The following PRKD3 variants were observed in gnomAD, a reference collection of about 807,000 sequenced individuals.
PRKD3 encodes serine/threonine-protein kinase D3.
In PRKD3, 47 loss-of-function variants were observed where a neutral mutation model predicts 99.2. That is an observed-to-expected ratio of 0.47 (90% CI 0.38 to 0.60). The LOEUF (loss-of-function observed/expected upper bound fraction) is 0.60. Ranked by LOEUF, PRKD3 falls within the 20% of genes least tolerant of loss-of-function variation. The pLI is 0.00. For synonymous variants in PRKD3, 392 were observed against 355.4 expected (o/e 1.10, Z -1.16); for missense variants, 1,019 against 1,088.4 (o/e 0.94, Z 0.90).
chr2:37,267,659 TTCTC>T, intron 13 of PRKD3, 123 bp from the exon 14 acceptor site: 1 of 727,492 alleles, frequency 1.4e-6, no homozygotes, highest in Non-Finnish European at 2.3e-6. Context: ...TTTTTGTTCT[TTCTC>T]CACACTCCTT....
At chr2:37,279,059 A>G (rs1383272096) in intron 8 of PRKD3, 2 of 152,216 alleles carry the variant, frequency 1.3e-5, no homozygotes, top group Non-Finnish European at 2.9e-5. Context: ...ATGATAAGCC[A>G]AACTGAATAA....
Position 37,252,247 on chromosome 2 carries a change from C to T in PRKD3, c.*930G>A, listed in dbSNP as rs1572588795. On this transcript the variant is annotated 3_prime_UTR_variant, in exon 19 of 19. Transcript: ENST00000234179. Reference sequence around the variant, plus strand: ...AGCATTAACTGACCCTGCACTGGCCCTGCTAAAAAGCAGAAATTACTGACT... The same window carrying T: ...AGCATTAACTGACCCTGCACTGGCCTTGCTAAAAAGCAGAAATTACTGACT... 1 of 152,140 alleles carries T rather than the reference C, an allele frequency of 6.6e-6. No individual in the cohort carries two copies. The highest frequency in any genetic ancestry group is 2.4e-5 in the African/African-American group (1 of 41,424). 9.4% of individuals were successfully genotyped at this position (152,140 alleles called of 1,614,324 possible).
intron 17 of PRKD3, among the ~76,000 whole-genome samples, chr2:37,254,763 C>T (rs1037515633): frequency 1.3e-5 from 2 of 152,200 alleles, no homozygotes; most frequent in African/African-American, 4.8e-5. Context: ...AGAGAGCACT[C>T]TAGTCCCTGA....
intron 5 of PRKD3, among the ~76,000 whole-genome samples, chr2:37,287,244 A>G (rs1171189145): frequency 1.1e-4 from 7 of 65,990 alleles, no homozygotes; most frequent in Non-Finnish European, 2.5e-4. Flanking sequence ...AAAAAAAAAA[A>G]AAAAAAAAAA....
At chr2:37,278,039 T>A in intron 8 of PRKD3, 50 bp from the exon 9 acceptor site, 2 of 1,503,590 alleles carry the variant, frequency 1.3e-6, no homozygotes, top group Non-Finnish European at 1.8e-6. Context: ...TAAAAAATCA[T>A]ATAAATACTG....
intron 5 of PRKD3, among the ~76,000 whole-genome samples, chr2:37,287,214 G>C (rs1222907374): frequency 1.1e-5 from 1 of 94,232 alleles, no homozygotes; most frequent in African/African-American, 4.1e-5. Flanking sequence ...TGGGCAACAA[G>C]AGCGAAACTC....
chr2:37,289,080 T>TA (rs66958653), intron 5 of PRKD3, among the ~76,000 whole-genome samples: 21,470 of 143,914 alleles, frequency 0.15, 2,143 homozygotes, highest in East Asian at 0.35. Context: ...AAAAAAAAAT[T>TA]AAAAAAAAAA....
intron 2 of PRKD3, among the ~76,000 whole-genome samples, chr2:37,304,661 G>C (rs763972417): frequency 8.6e-5 from 13 of 150,820 alleles, no homozygotes; most frequent in South Asian, 2.1e-4. Flanking sequence ...AGAATCACTT[G>C]AACCTGGGAG....
At chr2:37,283,713 G>A (rs1488801812) in intron 6 of PRKD3, among the ~76,000 whole-genome samples, 1 of 152,112 alleles carries the variant, frequency 6.6e-6, no homozygotes, top group Non-Finnish European at 1.5e-5. Context: ...CAGGCCGGGT[G>A]CAGCGGCTCA....
At chr2:37,291,413 C>A (rs1363100181) in intron 3 of PRKD3, among the ~76,000 whole-genome samples, 2 of 152,216 alleles carry the variant, frequency 1.3e-5, no homozygotes, top group African/African-American at 4.8e-5. Context: ...AATTTAGGAT[C>A]CCAGGATATA....
rs1558516377 is a variant in PRKD3 at position 37,252,864 on chromosome 2, A to ATATATATATATAT, written c.*312_*313insATATATATATATA. On this transcript the variant is annotated 3_prime_UTR_variant, in exon 19 of 19. Transcript: ENST00000234179. ...ATTTATATTTATATATATATATATAAAGAGAAATGGGAAGACAAATTAAGT... is the reference window on the plus strand; with the variant it reads ...ATTTATATTTATATATATATATATAATATATATATATATAGAGAAATGGGAAGACAAATTAAGT... 1 of 103,676 alleles carries ATATATATATATAT rather than the reference A, an allele frequency of 9.6e-6. No individual in the cohort carries two copies. Among genetic ancestry groups the ATATATATATATAT allele is most frequent in the Non-Finnish European group, 2.0e-5 (1 of 49,534 alleles). The allele number at this position is 103,676 out of a possible 1,614,324, so 6.4% of individuals were successfully genotyped here.
At position 37,256,621 on chromosome 2, in the gene PRKD3, AG is replaced by A. The variant is rs1667962303; in HGVS notation, c.2413+40del. The A allele has an allele frequency of 2.7e-6, 4 of 1,458,474 alleles. No individual in the cohort carries two copies. In the East Asian group the frequency reaches 1.0e-4, roughly 36 times the overall value. 90.3% of individuals were successfully genotyped at this position (1,458,474 alleles called of 1,614,324 possible). ...AAAGATGTTTAGGCTTAAAACACAT[AG>A]CCAAAATTTTTTTTTTTTTTTTTTT... On this transcript the variant is annotated intron_variant, in intron 17 of 18. Transcript: ENST00000234179.
intron 7 of PRKD3, 145 bp from the exon 8 acceptor site, chr2:37,280,074 T>C: frequency 1.8e-6 from 1 of 562,564 alleles, no homozygotes. Flanking sequence ...TTTTTTGAGA[T>C]AGAGTTTCAC....
chr2:37,273,785 G>A (rs1443329120), intron 11 of PRKD3, among the ~76,000 whole-genome samples: 1 of 152,202 alleles, frequency 6.6e-6, no homozygotes, highest in African/African-American at 2.4e-5. Context: ...GCAACATAAT[G>A]TTAATGGGGG....
chr2:37,319,682 A>G (rs1170162391), intron 1 of PRKD3, among the ~76,000 whole-genome samples: 4 of 151,774 alleles, frequency 2.6e-5, no homozygotes, highest in African/African-American at 9.7e-5. Flanking sequence ...ATCCGTCTGT[A>G]TACTCCTTGT....
chr2:37,314,846 G>C (rs1428903342), intron 2 of PRKD3, among the ~76,000 whole-genome samples: 1 of 152,116 alleles, frequency 6.6e-6, no homozygotes, highest in Non-Finnish European at 1.5e-5. Context: ...TAATGGAAGG[G>C]AAACTAAAAG....
At chr2:37,304,870 G>C (rs1484714412) in intron 2 of PRKD3, among the ~76,000 whole-genome samples, 1 of 151,256 alleles carries the variant, frequency 6.6e-6, no homozygotes, top group East Asian at 1.9e-4. Context: ...TTTGTTATTA[G>C]TTCTGATTAT....
At chr2:37,324,121 T>C (rs1313420718) in intron 1 of PRKD3, 1 of 956,714 alleles carries the variant, frequency 1.0e-6, no homozygotes. Context: ...CTCGGAACAA[T>C]GCTGCAACTA....
intron 17 of PRKD3, among the ~76,000 whole-genome samples, chr2:37,256,073 T>G (rs977335583): frequency 1.3e-5 from 2 of 152,048 alleles, no homozygotes; most frequent in African/African-American, 2.4e-5. Flanking sequence ...AATTCTGCAG[T>G]GTAGAGGAGT....
Sources: allele counts gnomAD v4.1 joint callset (sites outside exome capture counted in the v4.1 genomes callset), GRCh38; gene constraint gnomAD v4.1.1; transcripts MANE v1.5; gene names NCBI Gene and HGNC (gene_info 2026-07-23, HGNC 2026-07-21).